PDE1C: variants seen among roughly 807,000 people sequenced by gnomAD.
The protein encoded by PDE1C is dual specificity calcium/calmodulin-dependent 3',5'-cyclic nucleotide phosphodiesterase 1C.
A neutral mutation model predicts 93.1 loss-of-function variants in PDE1C; 62 were observed. That is an observed-to-expected ratio of 0.67 (90% CI 0.54 to 0.82). The LOEUF (loss-of-function observed/expected upper bound fraction) is 0.82, where lower values mean the gene tolerates loss of function less well. PDE1C is among the 40% of genes least tolerant of loss of function. PDE1C has a pLI of 0.00. For missense variants in PDE1C, 742 were observed against 884.6 expected (o/e 0.84, Z 2.04); for synonymous variants, 325 against 310.1 (o/e 1.05, Z -0.50).
chr7:31,904,492 TC>T (rs2128925823), intron 2 of PDE1C, among the ~76,000 whole-genome samples: 1 of 151,190 alleles, frequency 6.6e-6, no homozygotes, highest in African/African-American at 2.4e-5. Flanking sequence ...AAAAAAAAAA[TC>T]TAAATCCACT....
At chr7:32,246,240 A>AGT (rs1808940578) in intron 1 of PDE1C, among the ~76,000 whole-genome samples, 1 of 152,112 alleles carries the variant, frequency 6.6e-6, no homozygotes, top group Non-Finnish European at 1.5e-5. Flanking sequence ...AAGTGCTGGG[A>AGT]TTACAGGCGT....
At chr7:31,959,871 A>AT (rs1042687854) in intron 2 of PDE1C, among the ~76,000 whole-genome samples, 1,490 of 146,916 alleles carry the variant, frequency 0.01, 31 homozygotes, top group East Asian at 0.094. Flanking sequence ...CGACTTGCTA[A>AT]TTTTTTTTTT....
intron 11 of PDE1C, among the ~76,000 whole-genome samples, chr7:31,828,962 T>A (rs1019517724): frequency 2.0e-5 from 3 of 152,156 alleles, no homozygotes; most frequent in African/African-American, 7.2e-5. Flanking sequence ...AAAACACAAT[T>A]GTCTAACCAA....
the PDE1C span, among the ~76,000 whole-genome samples, chr7:31,636,650 C>G: frequency 1.3e-5 from 2 of 151,938 alleles, no homozygotes; most frequent in Non-Finnish European, 2.9e-5. Flanking sequence ...GCTCTCCTAT[C>G]CCATACTTTG....
At chr7:31,782,738 T>C (rs1322008660) in intron 16 of PDE1C, among the ~76,000 whole-genome samples, 1 of 152,232 alleles carries the variant, frequency 6.6e-6, no homozygotes, top group Non-Finnish European at 1.5e-5. Context: ...ACTTAAATTT[T>C]TGGACTTCAT....
At chr7:31,707,182 A>T in the PDE1C span, 1 of 1,605,748 alleles carries the variant, frequency 6.2e-7, no homozygotes, top group Non-Finnish European at 8.5e-7. Flanking sequence ...ACTTAATTGC[A>T]GGTCTGTGCT....
upstream of PDE1C, among the ~76,000 whole-genome samples, chr7:32,074,625 C>T (rs536517788): frequency 1.7e-4 from 26 of 152,086 alleles, 1 homozygote; most frequent in East Asian, 4.1e-3. Context: ...AGAGAAGGTA[C>T]GGAAAGGAGC....
At chr7:31,928,671 T>C (rs1803730834) in intron 2 of PDE1C, among the ~76,000 whole-genome samples, 1 of 152,106 alleles carries the variant, frequency 6.6e-6, no homozygotes, top group Non-Finnish European at 1.5e-5. Context: ...GAATTTTATA[T>C]CCAGCCAAAA....
Position 32,267,561 on chromosome 7 carries a change from T to TTC in PDE1C, c.85+31088_85+31089dup, listed in dbSNP as rs763148981. ...TCAAACTACAGAAAATGCAGCCTCT[T>TTC]TCTCTCTCTCTCACACACACACACA... On this transcript the variant is annotated intron_variant, in intron 1 of 18. Coordinates refer to the PDE1C transcript ENST00000396193. 2.9e-3 allele frequency among the ~76,000 whole-genome samples: 376 copies of TTC among 131,860 alleles called. 2 individuals carry two copies. Among genetic ancestry groups the TTC allele is most frequent in the Middle Eastern group, 8.4e-3 (2 of 238 alleles). 86.5% of individuals were successfully genotyped at this position (131,860 alleles called of 152,430 possible). A position where few individuals can be genotyped will look rare whatever the true frequency, so the allele number is the denominator to read the frequency against.
At chr7:31,698,579 C>T in the PDE1C span, among the ~76,000 whole-genome samples, 2 of 152,186 alleles carry the variant, frequency 1.3e-5, no homozygotes, top group African/African-American at 4.8e-5. Flanking sequence ...GAGTTTAGGA[C>T]ATGCAGAAGT....
the PDE1C span, among the ~76,000 whole-genome samples, chr7:31,671,267 G>A: frequency 7.9e-5 from 12 of 152,246 alleles, no homozygotes; most frequent in South Asian, 4.1e-4. Flanking sequence ...AGGCACCTCC[G>A]TAGATTCTGC....
chr7:31,820,240 C>T (rs187902843), intron 14 of PDE1C, among the ~76,000 whole-genome samples: 200 of 151,950 alleles, frequency 1.3e-3, no homozygotes, highest in Non-Finnish European at 2.3e-3. Flanking sequence ...CAAAGAATAA[C>T]ATCAGAATTT....
At chr7:31,875,829 AT>A (rs1796502419) in intron 5 of PDE1C, among the ~76,000 whole-genome samples, 5 of 126,768 alleles carry the variant, frequency 3.9e-5, no homozygotes, top group African/African-American at 1.5e-4. Flanking sequence ...ATATATATAT[AT>A]ATATAATGGA....
At chr7:32,096,144 T>C (rs1797735574) in intron 3 of PDE1C, among the ~76,000 whole-genome samples, 1 of 152,168 alleles carries the variant, frequency 6.6e-6, no homozygotes. Flanking sequence ...TTCCAAGACT[T>C]CATGGACCAT....
the PDE1C span, among the ~76,000 whole-genome samples, chr7:31,710,905 G>T: frequency 6.6e-6 from 1 of 152,150 alleles, no homozygotes; most frequent in African/African-American, 2.4e-5. Context: ...CAGGGCAGAA[G>T]ACTCTCCACA....
At chr7:31,912,469 T>C (rs973819183) in intron 2 of PDE1C, among the ~76,000 whole-genome samples, 4 of 152,108 alleles carry the variant, frequency 2.6e-5, no homozygotes, top group African/African-American at 9.7e-5. Flanking sequence ...GTGGAATCCT[T>C]GAGCCCAGGT....
chr7:31,914,258 G>A (rs929097760), intron 2 of PDE1C, among the ~76,000 whole-genome samples: 1 of 151,942 alleles, frequency 6.6e-6, no homozygotes, highest in South Asian at 2.1e-4. Flanking sequence ...CTTTAGAGAA[G>A]GTAAAGATTA....
intron 3 of PDE1C, among the ~76,000 whole-genome samples, chr7:32,112,801 T>TAC (rs1798718563): frequency 1.4e-5 from 1 of 72,754 alleles, no homozygotes; most frequent in Non-Finnish European, 3.6e-5. Context: ...TATATATACA[T>TAC]ATATGTGTGT....
rs377717690 is a variant in PDE1C at position 32,030,982 on chromosome 7, C to T, written c.128+20572G>A. On this transcript the variant is annotated intron_variant, in intron 2 of 17. Coordinates refer to ENST00000396191, the MANE Select transcript of PDE1C (RefSeq NM_001191057.4). ...GAGCCTTTGATCTATTTTACAACTA[C>T]ATGAATTGTGGATAACTGATAACAA... Among the ~76,000 whole-genome samples the T allele has an allele frequency of 8.5e-5, 13 of 152,276 alleles. 3 individuals carry two copies. The highest frequency in any genetic ancestry group is 6.5e-5 in the Admixed American group (1 of 15,296).
Sources: gnomAD v4.1 joint callset for allele counts (sites outside exome capture counted in the v4.1 genomes callset) on GRCh38, gnomAD v4.1.1 for gene constraint, MANE v1.5 for transcripts, NCBI Gene and HGNC (gene_info 2026-07-23, HGNC 2026-07-21) for gene names.